Variants in KCND2 observed in about 807,000 individuals in gnomAD.
KCND2 encodes A-type voltage-gated potassium channel KCND2.
Under a neutral mutation model 54.4 loss-of-function variants are expected in KCND2, and 16 were observed. That is an observed-to-expected ratio of 0.29 (90% CI 0.20 to 0.45). The LOEUF (loss-of-function observed/expected upper bound fraction) is 0.45, where lower values mean the gene tolerates loss of function less well. KCND2 is among the 20% of genes least tolerant of loss of function. The probability of loss-of-function intolerance (pLI) is 1.00; values close to 1 mark genes in which losing one functional copy is unlikely to be tolerated. For synonymous variants in KCND2, 317 were observed against 310.7 expected (o/e 1.02, Z -0.21); for missense variants, 486 against 824.2 (o/e 0.59, Z 5.02).
chr7:120,427,912 T>TA (rs1351226130), intron 1 of KCND2, among the ~76,000 whole-genome samples: 2 of 152,278 alleles, frequency 1.3e-5, no homozygotes, highest in East Asian at 3.9e-4. Flanking sequence ...TGTATGATCA[T>TA]AAAATTGTGA....
At chr7:120,300,604 G>A (rs958720649) in intron 1 of KCND2, among the ~76,000 whole-genome samples, 2 of 152,022 alleles carry the variant, frequency 1.3e-5, no homozygotes, top group Non-Finnish European at 2.9e-5. Context: ...TTATATTCTT[G>A]ATTAAGTTAT....
Position 120,640,746 on chromosome 7 carries a change from T to G in KCND2, c.1116-92157T>G, listed in dbSNP as rs574655573. Among the ~76,000 whole-genome samples the G allele has an allele frequency of 2.0e-5, 3 of 152,330 alleles. No homozygotes were observed. In the South Asian group the frequency reaches 6.2e-4, roughly 32 times the overall value. ...CTGCTAATAGTTCCTCTATTTCATT[T>G]CATTGCATTGCATGGATATTAAGCA... is the stretch of plus-strand genomic sequence containing the variant. On this transcript the variant is annotated intron_variant, in intron 1 of 5. Coordinates refer to ENST00000331113, the MANE Select transcript of KCND2 (RefSeq NM_012281.3).
At chr7:120,738,568 A>G (rs960939513) in intron 2 of KCND2, among the ~76,000 whole-genome samples, 1 of 152,090 alleles carries the variant, frequency 6.6e-6, no homozygotes, top group African/African-American at 2.4e-5. Context: ...TTAAAATTTA[A>G]GAAGTCTCCT....
At chr7:120,324,639 G>A (rs925783104) in intron 1 of KCND2, among the ~76,000 whole-genome samples, 1 of 150,284 alleles carries the variant, frequency 6.7e-6, no homozygotes, top group Non-Finnish European at 1.5e-5. Context: ...TGAGGGCTCT[G>A]TTCTGTTCCA....
intron 1 of KCND2, among the ~76,000 whole-genome samples, chr7:120,451,091 C>G (rs1011466937): frequency 6.6e-6 from 1 of 152,162 alleles, no homozygotes; most frequent in African/African-American, 2.4e-5. Context: ...ACCCTCTTAC[C>G]CACAGTGGTC....
chr7:120,389,368 G>A lies in KCND2; in HGVS notation c.1115+113621G>A, dbSNP rs141954601. Reference sequence around the variant, plus strand: ...ATAGTTATGTTGTATGTGTATGTGTGTGTGGCAAAAGTCCCTAAAATCCAC... The same window carrying A: ...ATAGTTATGTTGTATGTGTATGTGTATGTGGCAAAAGTCCCTAAAATCCAC... On this transcript the variant is annotated intron_variant, in intron 1 of 5. Coordinates refer to ENST00000331113, the MANE Select transcript of KCND2 (RefSeq NM_012281.3). 4.1e-3 allele frequency among the ~76,000 whole-genome samples: 624 copies of A among 151,942 alleles called. 5 individuals are homozygous for A. The highest frequency in any genetic ancestry group is 0.014 in the African/African-American group (582 of 41,510).
chr7:120,343,379 A>G lies in KCND2; in HGVS notation c.1115+67632A>G, dbSNP rs189770029. ...GAAAATGGGTAGAACATTTTAAGCT[A>G]CCTGACTATGAGATAGCCAGGTAAT... On this transcript the variant is annotated intron_variant, in intron 1 of 5. Transcript: ENST00000331113. 3.5e-3 allele frequency among the ~76,000 whole-genome samples: 526 copies of G among 152,250 alleles called. 2 individuals carry two copies. The highest frequency in any genetic ancestry group is 0.012 in the African/African-American group (502 of 41,554).
chr7:120,520,189 T>C (rs1791669889), intron 1 of KCND2, among the ~76,000 whole-genome samples: 1 of 152,086 alleles, frequency 6.6e-6, no homozygotes, highest in African/African-American at 2.4e-5. Context: ...ACCATTTATG[T>C]GTAATATTTA....
chr7:120,299,039 A>T (rs1799549987), intron 1 of KCND2, among the ~76,000 whole-genome samples: 1 of 152,138 alleles, frequency 6.6e-6, no homozygotes, highest in South Asian at 2.1e-4. Context: ...AGATGCCTGT[A>T]ATCTCAGCTA....
intron 1 of KCND2, among the ~76,000 whole-genome samples, chr7:120,568,651 T>G (rs985075422): frequency 2.0e-5 from 3 of 152,110 alleles, no homozygotes; most frequent in African/African-American, 7.2e-5. Context: ...AGTGCATGGG[T>G]TCTGAGCCAG....
intron 1 of KCND2, among the ~76,000 whole-genome samples, chr7:120,628,539 T>C (rs1793189477): frequency 6.6e-6 from 1 of 152,298 alleles, no homozygotes; most frequent in South Asian, 2.1e-4. Flanking sequence ...TGCTTCTCCA[T>C]GTGAATAAGT....
intron 1 of KCND2, among the ~76,000 whole-genome samples, chr7:120,560,624 G>T (rs1792221579): frequency 6.6e-6 from 1 of 152,136 alleles, no homozygotes; most frequent in Non-Finnish European, 1.5e-5. Context: ...GAGAAATCTT[G>T]CAGAATTCAA....
At chr7:120,675,725 T>G (rs1792052042) in intron 1 of KCND2, among the ~76,000 whole-genome samples, 1 of 152,220 alleles carries the variant, frequency 6.6e-6, no homozygotes, top group East Asian at 1.9e-4. Context: ...TCTCAGGTTA[T>G]TATGCTTGCA....
chr7:120,335,227 G>A (rs1180252211), intron 1 of KCND2, among the ~76,000 whole-genome samples: 4 of 151,682 alleles, frequency 2.6e-5, no homozygotes, highest in Non-Finnish European at 5.9e-5. Context: ...GCTGGGCGTG[G>A]TAGTGCATGC....
At chr7:120,362,328 T>A (rs927218778) in intron 1 of KCND2, among the ~76,000 whole-genome samples, 5 of 152,132 alleles carry the variant, frequency 3.3e-5, no homozygotes, top group African/African-American at 1.2e-4. Context: ...TGAGACTATC[T>A]TACTGGTGTA....
At chr7:120,387,685 G>A (rs150131430) in intron 1 of KCND2, among the ~76,000 whole-genome samples, 1 of 151,968 alleles carries the variant, frequency 6.6e-6, no homozygotes, top group Non-Finnish European at 1.5e-5. Context: ...CAGAATGTTG[G>A]ACTAAATGGC....
chr7:120,361,643 A>G (rs1457273996), intron 1 of KCND2, among the ~76,000 whole-genome samples: 1 of 151,998 alleles, frequency 6.6e-6, no homozygotes, highest in Non-Finnish European at 1.5e-5. Context: ...AGAAAAGGAG[A>G]AGGCCATGAT....
intron 1 of KCND2, among the ~76,000 whole-genome samples, chr7:120,707,308 G>C (rs1385811848): frequency 6.6e-6 from 1 of 152,106 alleles, no homozygotes; most frequent in Non-Finnish European, 1.5e-5. Context: ...GTACCTTTGT[G>C]TCAGGTGCAG....
At chr7:120,595,554 T>A (rs1792732256) in intron 1 of KCND2, among the ~76,000 whole-genome samples, 1 of 136,640 alleles carries the variant, frequency 7.3e-6, no homozygotes, top group African/African-American at 2.7e-5. Flanking sequence ...TATGTGTGTG[T>A]GTATATATAT....
Sources: allele counts gnomAD v4.1 joint callset (sites outside exome capture counted in the v4.1 genomes callset), GRCh38; gene constraint gnomAD v4.1.1; transcripts MANE v1.5; gene names NCBI Gene and HGNC (gene_info 2026-07-23, HGNC 2026-07-21).